ASTN2: variants seen among roughly 807,000 people sequenced by gnomAD.
The protein encoded by ASTN2 is astrotactin-2.
Under a neutral mutation model 139.8 loss-of-function variants are expected in ASTN2, and 54 were observed. The observed-to-expected ratio is 0.39, with a 90% CI of 0.31 to 0.48. ASTN2 has a LOEUF of 0.48. Ranked by LOEUF, ASTN2 falls within the 20% of genes least tolerant of loss-of-function variation. The pLI, the probability that ASTN2 is intolerant of heterozygous loss-of-function variation, is 0.95. For missense variants in ASTN2, 1,565 were observed against 1,725.1 expected (o/e 0.91, Z 1.64); for synonymous variants, 756 against 719.5 (o/e 1.05, Z -0.81).
At chr9:116,824,457 T>C (rs4837913) in intron 11 of ASTN2, among the ~76,000 whole-genome samples, 29,614 of 152,174 alleles carry the variant, frequency 0.19, 3,129 homozygotes, top group East Asian at 0.46. Context: ...GAGAGTCTTA[T>C]GTGGCAAGGA....
chr9:116,528,586 A>C (rs1790953306), intron 19 of ASTN2, among the ~76,000 whole-genome samples: 1 of 152,242 alleles, frequency 6.6e-6, no homozygotes, highest in Non-Finnish European at 1.5e-5. Flanking sequence ...AAATTGCATA[A>C]GTAAAGAGAA....
chr9:116,775,605 G>C (rs1373918362), intron 13 of ASTN2, among the ~76,000 whole-genome samples: 16 of 83,580 alleles, frequency 1.9e-4, no homozygotes. Context: ...GGGAGGGAGG[G>C]AAAGAAGGAA....
intron 6 of ASTN2, among the ~76,000 whole-genome samples, chr9:117,023,836 C>T (rs1019219412): frequency 3.9e-5 from 6 of 152,120 alleles, no homozygotes; most frequent in East Asian, 3.9e-4. Flanking sequence ...AGGTTGTTTC[C>T]GGAAGGAGAG....
chr9:116,904,610 C>G (rs1405881349), intron 10 of ASTN2, among the ~76,000 whole-genome samples: 1 of 152,158 alleles, frequency 6.6e-6, no homozygotes, highest in Non-Finnish European at 1.5e-5. Flanking sequence ...TCACAAAGAT[C>G]AAATGAGTTC....
At chr9:116,688,466 A>C (rs1454922702) in intron 16 of ASTN2, among the ~76,000 whole-genome samples, 3 of 152,184 alleles carry the variant, frequency 2.0e-5, no homozygotes, top group African/African-American at 7.2e-5. Context: ...GAGTATATGA[A>C]GATGAGCAGA....
chr9:117,277,169 C>T (rs1251536493), intron 2 of ASTN2: 1 of 152,148 alleles, frequency 6.6e-6, no homozygotes, highest in East Asian at 1.9e-4. Flanking sequence ...GTTTTTTGGT[C>T]AAGGGCATAC....
chr9:116,919,696 C>T (rs548384345), intron 10 of ASTN2, among the ~76,000 whole-genome samples: 17 of 144,876 alleles, frequency 1.2e-4, no homozygotes, highest in African/African-American at 4.4e-4. Context: ...CTGTAATCAG[C>T]CCTTTAGGAG....
At chr9:117,413,338 G>A (rs1314802993) in intron 1 of ASTN2, among the ~76,000 whole-genome samples, 1 of 152,228 alleles carries the variant, frequency 6.6e-6, no homozygotes, top group African/African-American at 2.4e-5. Context: ...CTCACCTGCG[G>A]TGCCCGAGGC....
chr9:117,061,145 T>G (rs540230929), intron 5 of ASTN2, among the ~76,000 whole-genome samples: 325 of 122,934 alleles, frequency 2.6e-3, no homozygotes, highest in Non-Finnish European at 4.1e-3. Flanking sequence ...AGTCTTTTAT[T>G]TATTTATTTA....
chr9:116,466,648 G>A (rs1468237768), intron 20 of ASTN2, among the ~76,000 whole-genome samples: 1 of 152,182 alleles, frequency 6.6e-6, no homozygotes, highest in Admixed American at 6.6e-5. Flanking sequence ...GCATCAGAAT[G>A]ACCTAGATAT....
chr9:116,709,460 C>T (rs1468575517), intron 16 of ASTN2, among the ~76,000 whole-genome samples: 1 of 152,188 alleles, frequency 6.6e-6, no homozygotes, highest in Non-Finnish European at 1.5e-5. Context: ...TGAAACAGGA[C>T]CCAAGTCAGC....
intron 4 of ASTN2, among the ~76,000 whole-genome samples, chr9:117,128,962 C>A (rs979729639): frequency 6.6e-6 from 1 of 152,126 alleles, no homozygotes; most frequent in Non-Finnish European, 1.5e-5. Flanking sequence ...GGGGAAACTG[C>A]CCCCATGATT....
intron 7 of ASTN2, 105 bp from the exon 8 acceptor site, chr9:116,976,890 T>C: frequency 1.1e-6 from 1 of 941,158 alleles, no homozygotes; most frequent in Non-Finnish European, 1.6e-6. Context: ...TGCTTAGTTT[T>C]AGAAAAGGCA....
At chr9:117,263,657 A>G (rs1833875720) in intron 2 of ASTN2, among the ~76,000 whole-genome samples, 1 of 152,186 alleles carries the variant, frequency 6.6e-6, no homozygotes, top group African/African-American at 2.4e-5. Context: ...AGATCCTCAA[A>G]TCTTCACTTC....
chr9:117,272,264 C>G lies in ASTN2; in HGVS notation c.630+19062G>C, dbSNP rs180734812. On this transcript the variant is annotated intron_variant, in intron 2 of 22. Transcript: ENST00000313400. ...CCACAGGCTGAGCTGTACATTGGCC[C>G]CTTTCAGCCACGCTGGAGAGGCTGG... 5.9e-5 allele frequency among the ~76,000 whole-genome samples: 9 copies of G among 152,310 alleles called. No individual in the cohort carries two copies. In the East Asian group the frequency reaches 1.5e-3, roughly 26 times the overall value.
At chr9:117,298,675 T>TATATATATATGTGC (rs1554717057) in intron 1 of ASTN2, among the ~76,000 whole-genome samples, 1 of 130,624 alleles carries the variant, frequency 7.7e-6, no homozygotes, top group Non-Finnish European at 1.6e-5. Flanking sequence ...TATGTGTATA[T>TATATATATATGTGC]ATATATATAT....
At chr9:116,637,093 C>A (rs12682860) in intron 17 of ASTN2, among the ~76,000 whole-genome samples, 43,474 of 151,992 alleles carry the variant, frequency 0.29, 7,215 homozygotes, top group Admixed American at 0.42. Context: ...GACTTCCCAG[C>A]CTCCAGAACC....
intron 19 of ASTN2, among the ~76,000 whole-genome samples, chr9:116,511,351 G>A (rs1237763491): frequency 1.3e-5 from 2 of 152,166 alleles, no homozygotes; most frequent in Non-Finnish European, 2.9e-5. Flanking sequence ...CAGGGATGAA[G>A]CCCACTTGAT....
chr9:116,991,179 C>G (rs376826559), intron 7 of ASTN2, among the ~76,000 whole-genome samples: 2 of 152,136 alleles, frequency 1.3e-5, no homozygotes, highest in African/African-American at 4.8e-5. Flanking sequence ...CACATACACA[C>G]AGAAACACAT....
Sources: allele counts gnomAD v4.1 joint callset (sites outside exome capture counted in the v4.1 genomes callset), GRCh38; gene constraint gnomAD v4.1.1; transcripts MANE v1.5; gene names NCBI Gene and HGNC (gene_info 2026-07-23, HGNC 2026-07-21).